RSPH14: variants seen among roughly 807,000 people sequenced by gnomAD.
RSPH14 encodes the protein rhabdoid tumor deletion region gene 1.
A neutral mutation model predicts 26.7 loss-of-function variants in RSPH14; 20 were observed. That is an observed-to-expected ratio of 0.75 (90% CI 0.53 to 1.09). The LOEUF (loss-of-function observed/expected upper bound fraction) is 1.09. Among genes scored for constraint, RSPH14 ranks in the 50% least tolerant of loss-of-function variants. The pLI, the probability that RSPH14 is intolerant of heterozygous loss-of-function variation, is 0.00. For synonymous variants in RSPH14, 177 were observed against 189.3 expected (o/e 0.93, Z 0.53); for missense variants, 449 against 457.2 (o/e 0.98, Z 0.16).
At chr22:23,089,357 C>T (rs1005415633) in intron 4 of RSPH14, among the ~76,000 whole-genome samples, 11 of 152,172 alleles carry the variant, frequency 7.2e-5, no homozygotes, top group African/African-American at 2.2e-4. Context: ...CTGGAGGTTA[C>T]GGGCAGGGCA....
intron 4 of RSPH14, among the ~76,000 whole-genome samples, chr22:23,078,395 G>A (rs572039897): frequency 1.1e-4 from 16 of 152,268 alleles, no homozygotes; most frequent in East Asian, 5.8e-4. Context: ...GCCCCACCCC[G>A]TGGCTGGGAC....
chr22:23,074,588 C>T (rs1001663852), intron 4 of RSPH14, among the ~76,000 whole-genome samples: 4 of 152,054 alleles, frequency 2.6e-5, no homozygotes, highest in Admixed American at 1.3e-4. Context: ...TGTGGCAGGC[C>T]GGGGACCACG....
At chr22:23,118,753 G>A (rs748663008) in intron 4 of RSPH14, among the ~76,000 whole-genome samples, 3 of 152,210 alleles carry the variant, frequency 2.0e-5, no homozygotes, top group Non-Finnish European at 4.4e-5. Context: ...CTACCATGGG[G>A]CAGGGCCACA....
the RSPH14 span, among the ~76,000 whole-genome samples, chr22:23,171,498 T>C: frequency 6.6e-6 from 1 of 152,104 alleles, no homozygotes; most frequent in Non-Finnish European, 1.5e-5. Context: ...CATACAAATT[T>C]TGGGGGACAC....
At chr22:23,113,078 T>G (rs2069701344) in intron 4 of RSPH14, among the ~76,000 whole-genome samples, 1 of 152,106 alleles carries the variant, frequency 6.6e-6, no homozygotes, top group Non-Finnish European at 1.5e-5. Flanking sequence ...ACCTCCAGGC[T>G]AGCACCCTGC....
the RSPH14 span, chr22:23,161,420 C>T: frequency 7.9e-7 from 1 of 1,263,302 alleles, no homozygotes; most frequent in Non-Finnish European, 1.1e-6. Context: ...ACAGCTCTGA[C>T]TGTCAGGGCC....
At position 23,106,103 on chromosome 22, in the gene RSPH14, G is replaced by A. The variant is rs181340835; in HGVS notation, c.421+27923C>T. Among the ~76,000 whole-genome samples the A allele has an allele frequency of 3.9e-5, 6 of 152,332 alleles. No individual in the cohort carries two copies. In the East Asian group the frequency reaches 9.6e-4, roughly 24 times the overall value. ...TTGTTAAGGCACCACCTCCAGTCAC[G>A]TGACTCCCGCCACATATCACACTTA... On this transcript the variant is annotated intron_variant, in intron 4 of 6. Transcript: ENST00000216036.
At chr22:23,147,581 C>G (rs1332822089), upstream of RSPH14, among the ~76,000 whole-genome samples, 1 of 152,176 alleles carries the variant, frequency 6.6e-6, no homozygotes. Flanking sequence ...AATCCTCCCA[C>G]CCGGGCCTCT....
intron 4 of RSPH14, among the ~76,000 whole-genome samples, chr22:23,068,576 G>T (rs986147288): frequency 6.6e-6 from 1 of 152,226 alleles, no homozygotes; most frequent in Admixed American, 6.5e-5. Context: ...GCCAGCCCCA[G>T]TGGACCCCTC....
intron 4 of RSPH14, among the ~76,000 whole-genome samples, chr22:23,132,387 C>T (rs573017423): frequency 6.2e-4 from 94 of 152,288 alleles, no homozygotes; most frequent in African/African-American, 1.6e-3. Context: ...TCTTAACTCT[C>T]GAGCCGTGGT....
chr22:23,088,946 TCA>T (rs1402632162), intron 4 of RSPH14, among the ~76,000 whole-genome samples: 1 of 152,204 alleles, frequency 6.6e-6, no homozygotes, highest in African/African-American at 2.4e-5. Context: ...TCTCCCCCAG[TCA>T]CAGTCTGGGT....
chr22:23,128,806 G>C (rs527645529), intron 4 of RSPH14, among the ~76,000 whole-genome samples: 4 of 152,214 alleles, frequency 2.6e-5, no homozygotes, highest in African/African-American at 9.7e-5. Flanking sequence ...AAGACAACCA[G>C]CAATTGATCC....
chr22:23,130,857 G>A (rs1012171788), intron 4 of RSPH14, among the ~76,000 whole-genome samples: 5 of 152,238 alleles, frequency 3.3e-5, no homozygotes, highest in African/African-American at 1.2e-4. Context: ...ACATCCATCA[G>A]GCTGGGATAT....
At chr22:23,166,017 G>A in the RSPH14 span, among the ~76,000 whole-genome samples, 5 of 151,794 alleles carry the variant, frequency 3.3e-5, no homozygotes, top group Non-Finnish European at 7.4e-5. Context: ...ATGGTGGCAC[G>A]CACCTGTAGT....
In RSPH14 at chr22:23,105,046, C is replaced by T. The variant is rs114171920; in HGVS notation, c.421+28980G>A. ...CCCTAATCCCTGCTTCATCACACCTCGTGGTGGACATGTCCTCAGCTCAGG... is the reference window on the plus strand; with the variant it reads ...CCCTAATCCCTGCTTCATCACACCTTGTGGTGGACATGTCCTCAGCTCAGG... On this transcript the variant is annotated intron_variant, in intron 4 of 6. Transcript: ENST00000216036. 2.8e-3 allele frequency among the ~76,000 whole-genome samples: 433 copies of T among 152,348 alleles called. 2 individuals carry two copies. Among genetic ancestry groups the T allele is most frequent in the African/African-American group, 0.01 (416 of 41,576 alleles).
At chr22:23,152,338 C>T in the RSPH14 span, 3 of 964,864 alleles carry the variant, frequency 3.1e-6, no homozygotes, top group Non-Finnish European at 5.0e-6. Flanking sequence ...CAGGGTGGCC[C>T]ATCCTGTGTC....
At chr22:23,123,315 AAGG>A in intron 4 of RSPH14, 1 of 1,614,068 alleles carries the variant, frequency 6.2e-7, no homozygotes, top group South Asian at 1.1e-5. Context: ...CAAGGAGACC[AAGG>A]AGATCTACTC....
intron 4 of RSPH14, among the ~76,000 whole-genome samples, chr22:23,117,057 CCA>C (rs920212184): frequency 9.2e-5 from 14 of 152,142 alleles, no homozygotes. Context: ...GAGCTAGACT[CCA>C]GTGTCCATGT....
intron 4 of RSPH14, chr22:23,132,720 C>A (rs1282730207): frequency 2.0e-5 from 3 of 152,114 alleles, no homozygotes; most frequent in Non-Finnish European, 4.4e-5. Flanking sequence ...GTATTTTATT[C>A]ATTTTTTTTA....
Sources: allele counts gnomAD v4.1 joint callset (sites outside exome capture counted in the v4.1 genomes callset), GRCh38; gene constraint gnomAD v4.1.1; transcripts MANE v1.5; gene names NCBI Gene and HGNC (gene_info 2026-07-23, HGNC 2026-07-21).